COL20A1: variants seen among roughly 807,000 people sequenced by gnomAD.
The protein encoded by COL20A1 is collagen alpha-1(XX) chain.
COL20A1 carries 164 observed loss-of-function variants against 152.9 expected under a neutral mutation model. That is an observed-to-expected ratio of 1.07 (90% CI 0.94 to 1.22). COL20A1 has a LOEUF of 1.22. Among genes scored for constraint, COL20A1 ranks in the 50% most tolerant of loss-of-function variants. COL20A1 has a pLI of 0.00. For missense variants in COL20A1, 1,873 were observed against 1,744.8 expected (o/e 1.07, Z -1.31); for synonymous variants, 864 against 756.0 (o/e 1.14, Z -2.34).
At chr20:63,325,810 G>C (rs1267381048) in intron 29 of COL20A1, 89 bp downstream of exon 29, 11 of 1,201,588 alleles carry the variant, frequency 9.2e-6, no homozygotes, top group Non-Finnish European at 1.3e-5. Context: ...TGTGGGGTAG[G>C]GAGGGGGAGG....
intron 8 of COL20A1, 138 bp from the exon 9 acceptor site, chr20:63,309,195 C>G (rs1158410171): frequency 3.3e-6 from 2 of 599,412 alleles, no homozygotes; most frequent in Non-Finnish European, 5.2e-6. Context: ...CCTGGCCCAG[C>G]ATGTGGGTGG....
intron 34 of COL20A1, 23 bp from the exon 35 acceptor site, chr20:63,329,562 A>G: frequency 1.2e-6 from 2 of 1,600,630 alleles, no homozygotes; most frequent in Non-Finnish European, 1.7e-6. Context: ...CTCCGTCCTC[A>G]CATGCCCTCC....
At chr20:63,294,264 C>T (rs1337580196) in intron 1 of COL20A1, among the ~76,000 whole-genome samples, 1 of 139,518 alleles carries the variant, frequency 7.2e-6, no homozygotes, top group Non-Finnish European at 1.6e-5. Context: ...TCTTCTTCAG[C>T]CCTGGGCGTG....
Position 63,309,514 on chromosome 20 carries a change from C to G in COL20A1, c.1105+17C>G. 6.7e-7 allele frequency: 1 copy of G among 1,487,682 alleles called. No individual in the cohort carries two copies. The highest frequency in any genetic ancestry group is 1.3e-5 in the South Asian group (1 of 78,362). The allele number at this position is 1,487,682 out of a possible 1,614,324, so 92.2% of individuals were successfully genotyped here. The stretch of plus-strand genomic sequence containing the variant: ...AGGGCCCAGGTGAGGGGCAGGGTCA[C>G]CCGCACAGGCTGCAGCCCCCCCGGC... On this transcript the variant is annotated intron_variant, in intron 9 of 35. Coordinates refer to ENST00000358894, the MANE Select transcript of COL20A1 (RefSeq NM_020882.4).
intron 21 of COL20A1, among the ~76,000 whole-genome samples, chr20:63,318,205 C>T (rs950834185): frequency 3.3e-5 from 5 of 152,282 alleles, no homozygotes; most frequent in African/African-American, 7.2e-5. Flanking sequence ...GGTGGACCCC[C>T]GTGAGGGTTG....
Position 63,313,194 on chromosome 20 carries a change from G to T in COL20A1, c.2154G>T (p.Leu718Phe). 2 of 1,612,546 alleles carry T rather than the reference G, an allele frequency of 1.2e-6. No homozygotes were observed. Among genetic ancestry groups the T allele is most frequent in the Non-Finnish European group, 1.7e-6 (2 of 1,179,732 alleles). The change falls in exon 17 of 36, where the codon TTG becomes TTT. Residue 718 changes from leucine to phenylalanine, a missense_variant. Transcript: ENST00000358894. The surrounding 1 kb of genome is among the most constrained non-coding windows in gnomAD (Gnocchi z 5.9). ...GRHTEYDVTI[L>F]AYYRDGARSD... ...ACACAGAGTACGACGTCACCATCTT[G>T]GCCTACTACAGGGACGGGGCCCGCA...
At chr20:63,316,376 A>G (rs1034429950) in intron 20 of COL20A1, among the ~76,000 whole-genome samples, 177 bp from the exon 21 acceptor site, 1 of 151,190 alleles carries the variant, frequency 6.6e-6, no homozygotes, top group African/African-American at 2.4e-5. Context: ...CCTGAAGCAG[A>G]CCCCTGCCCA....
At chr20:63,309,939 T>G (rs778009763) in intron 10 of COL20A1, 24 bp downstream of exon 10, 2 of 1,540,346 alleles carry the variant, frequency 1.3e-6, no homozygotes, top group East Asian at 4.7e-5. Flanking sequence ...TATACAGGGC[T>G]CCCCGAGCCG....
chr20:63,301,453 C>T (rs1475586459), intron 3 of COL20A1, among the ~76,000 whole-genome samples: 1 of 152,166 alleles, frequency 6.6e-6, no homozygotes, highest in African/African-American at 2.4e-5. Flanking sequence ...CCTTATTTTT[C>T]AGATTTTTTA....
chr20:63,328,085 C>T lies in COL20A1; in HGVS notation c.3571C>T (p.Pro1191Ser). The T allele has an allele frequency of 6.2e-7, 1 of 1,613,458 alleles. No homozygotes were observed. Among genetic ancestry groups the T allele is most frequent in the Non-Finnish European group, 8.5e-7 (1 of 1,179,852 alleles). The change falls in exon 33 of 36, where the codon CCG (proline) becomes TCG (serine). Residue 1191 changes from proline to serine, a missense_variant. Coordinates refer to ENST00000358894, the MANE Select transcript of COL20A1 (RefSeq NM_020882.4). ...GCACCACCTTCCCTTCCAGGGCGAG[C>T]CGCAGTCCCTTGCCACCCTCTACCA... ...PKGERGEKGE[P>S]QSLATLYQLV...
chr20:63,322,654 C>G (rs538770910), intron 27 of COL20A1, among the ~76,000 whole-genome samples: 1 of 152,260 alleles, frequency 6.6e-6, no homozygotes, highest in African/African-American at 2.4e-5. Flanking sequence ...AGCAGCCCCC[C>G]ACCCCAGGCG....
intron 1 of COL20A1, among the ~76,000 whole-genome samples, chr20:63,293,852 T>C (rs1309757641): frequency 9.1e-6 from 1 of 109,602 alleles, no homozygotes; most frequent in Admixed American, 1.1e-4. Context: ...CTGGTGGGGA[T>C]ACTGGGGTCA....
chr20:63,296,045 G>C (rs886811689), intron 2 of COL20A1, among the ~76,000 whole-genome samples: 5 of 152,290 alleles, frequency 3.3e-5, no homozygotes, highest in African/African-American at 1.2e-4. Context: ...GCCTCCAGGT[G>C]CCGCTGCCAT....
chr20:63,331,821 T>C lies in COL20A1; in HGVS notation c.*1105T>C, dbSNP rs1211736664. On this transcript the variant is annotated 3_prime_UTR_variant, in exon 36 of 36. Coordinates refer to ENST00000358894, the MANE Select transcript of COL20A1 (RefSeq NM_020882.4). ...AAGGAACAAAGAGAGACCCTTGATA[T>C]TGACAGAAGGAAAACCCACCAAGAT... 2.0e-5 allele frequency: 3 copies of C among 152,138 alleles called. No homozygotes were observed. Among genetic ancestry groups the C allele is most frequent in the South Asian group, 2.1e-4 (1 of 4,816 alleles). The allele number at this position is 152,138 out of a possible 1,614,324, so 9.4% of individuals were successfully genotyped here. A position where few individuals can be genotyped will look rare whatever the true frequency, so the allele number is the denominator to read the frequency against.
At chr20:63,326,012 TG>T in intron 29 of COL20A1, 83 bp from the exon 30 acceptor site, 1 of 1,224,472 alleles carries the variant, frequency 8.2e-7, no homozygotes, top group Non-Finnish European at 1.2e-6. Context: ...CAGGGTGTGT[TG>T]GGTGCTGCTG....
At chr20:63,330,535 C>T (rs2068319174) in intron 35 of COL20A1, among the ~76,000 whole-genome samples, 185 bp from the exon 36 acceptor site, 1 of 152,200 alleles carries the variant, frequency 6.6e-6, no homozygotes, top group Non-Finnish European at 1.5e-5. Flanking sequence ...ACCCACGGCC[C>T]TGCCCGCAAT....
In COL20A1 at chr20:63,305,435, T is replaced by TG. The variant is rs748796170; in HGVS notation, c.213dup (p.Ile72AspfsTer8). 6 of 1,574,798 alleles carry TG rather than the reference T, an allele frequency of 3.8e-6. No homozygotes were observed. Among genetic ancestry groups the TG allele is most frequent in the Non-Finnish European group, 5.2e-6 (6 of 1,163,584 alleles). On this transcript the variant is annotated frameshift_variant, in exon 4 of 36. Transcript: ENST00000358894. LOFTEE classifies it high-confidence loss of function. The surrounding 1 kb of genome is among the most constrained non-coding windows in gnomAD (Gnocchi z 4.9). ...TACCCAGGGGACTCGGAACAGGAGG[T>TG]GATACTGACCACCAAGACCCCTAAG...
intron 34 of COL20A1, chr20:63,329,367 C>T (rs922458853): frequency 1.7e-6 from 1 of 582,698 alleles, no homozygotes; most frequent in South Asian, 2.1e-5. Flanking sequence ...GCCTTCCCAC[C>T]TGGCCATGCC....
chr20:63,329,406 G>A, intron 34 of COL20A1, 179 bp from the exon 35 acceptor site: 1 of 546,486 alleles, frequency 1.8e-6, no homozygotes, highest in South Asian at 2.0e-5. Context: ...AGCCCAGGAG[G>A]CGCCTGTGTG....
Sources: allele counts gnomAD v4.1 joint callset (sites outside exome capture counted in the v4.1 genomes callset), GRCh38; gene constraint gnomAD v4.1.1; non-coding constraint Gnocchi (gnomAD v3.1); transcripts MANE v1.5; gene names NCBI Gene and HGNC (gene_info 2026-07-23, HGNC 2026-07-21).